Variants in BACE1 observed in about 807,000 individuals in gnomAD.
The protein encoded by BACE1 is APP beta-secretase.
In BACE1, 21 loss-of-function variants were observed where a neutral mutation model predicts 54.0. That is an observed-to-expected ratio of 0.39 (90% CI 0.28 to 0.56). BACE1 has a LOEUF of 0.56. Among genes scored for constraint, BACE1 ranks in the 20% least tolerant of loss-of-function variants. BACE1 has a pLI of 0.63. For synonymous variants in BACE1, 232 were observed against 260.9 expected (o/e 0.89, Z 1.07); for missense variants, 511 against 661.2 (o/e 0.77, Z 2.49).
In BACE1 at chr11:117,288,971, C is replaced by A. The variant is rs1009674631; in HGVS notation, c.*595G>T. ...ATTCCCTGTCTTTGTACTCCCTCTC[C>A]TTCTCCTCTTTCCAGCCGCCCCCAT... On this transcript the variant is annotated 3_prime_UTR_variant, in exon 9 of 9. Coordinates refer to ENST00000313005, the MANE Select transcript of BACE1 (RefSeq NM_012104.6). 1.3e-5 allele frequency: 2 copies of A among 153,646 alleles called. No homozygotes were observed. Among genetic ancestry groups the A allele is most frequent in the African/African-American group, 4.8e-5 (2 of 41,402 alleles). The allele number at this position is 153,646 out of a possible 1,614,324, so 9.5% of individuals were successfully genotyped here.
chr11:117,299,790 A>C (rs2034682055), intron 1 of BACE1: 2 of 272,508 alleles, frequency 7.3e-6, no homozygotes, highest in African/African-American at 2.4e-5. Context: ...TTCTTCACCC[A>C]CCCTCTCCCC....
chr11:117,306,936 A>G (rs1368366985), intron 1 of BACE1, among the ~76,000 whole-genome samples: 1 of 152,210 alleles, frequency 6.6e-6, no homozygotes, highest in Non-Finnish European at 1.5e-5. Flanking sequence ...CTCAGGAAAT[A>G]TGGTGACAGA....
chr11:117,291,199 AAG>A (rs2134445970), intron 6 of BACE1, 150 bp from the exon 7 acceptor site: 6 of 926,408 alleles, frequency 6.5e-6, no homozygotes, highest in South Asian at 3.4e-5. Context: ...GGATTACAGG[AAG>A]AGAGAGGGAG....
Position 117,315,581 on chromosome 11 carries a change from C to G in BACE1, c.215G>C (p.Gly72Ala). The part of the protein sequence containing the change: ...EMVDNLRGKS[G>A]QGYYVEMTVG... Reference sequence around the variant, plus strand: ...GGTCATCTCCACGTAGTAGCCCTGCCCCGACTTGCCCCTCAGGTTGTCCAC... The same window carrying G: ...GGTCATCTCCACGTAGTAGCCCTGCGCCGACTTGCCCCTCAGGTTGTCCAC... Residue 72 changes from glycine (G) to alanine (A), a missense_variant, in exon 1 of 9, where the codon GGG becomes GCG. By Grantham distance (60) the Gly-to-Ala change is moderately conservative. Coordinates refer to ENST00000313005, the MANE Select transcript of BACE1 (RefSeq NM_012104.6). The surrounding 1 kb of genome is among the most constrained non-coding windows in gnomAD (Gnocchi z 5.5). 1 of 1,589,838 alleles carries G rather than the reference C, an allele frequency of 6.3e-7. No individual in the cohort carries two copies. Among genetic ancestry groups the G allele is most frequent in the Non-Finnish European group, 8.5e-7 (1 of 1,169,638 alleles).
At chr11:117,306,582 C>T (rs1476629594) in intron 1 of BACE1, among the ~76,000 whole-genome samples, 3 of 152,050 alleles carry the variant, frequency 2.0e-5, no homozygotes, top group East Asian at 1.9e-4. Flanking sequence ...CTGAGGTGGG[C>T]GGATCACTTG....
intron 1 of BACE1, among the ~76,000 whole-genome samples, chr11:117,304,779 T>A (rs535790294): frequency 9.8e-5 from 15 of 152,300 alleles, no homozygotes; most frequent in Admixed American, 7.8e-4. Context: ...CTTTTAATCA[T>A]GTATTTAATG....
chr11:117,304,302 G>A (rs1429622110), intron 1 of BACE1, among the ~76,000 whole-genome samples: 1 of 152,218 alleles, frequency 6.6e-6, no homozygotes, highest in Non-Finnish European at 1.5e-5. Context: ...GGTTAGTCCA[G>A]CCCCCAGCTG....
intron 2 of BACE1, 67 bp from the exon 3 acceptor site, chr11:117,295,414 T>TG: frequency 6.3e-7 from 1 of 1,575,486 alleles, no homozygotes. Flanking sequence ...AAGTTAAACT[T>TG]ACTCCCAAAC....
chr11:117,296,780 G>C, intron 2 of BACE1, 93 bp downstream of exon 2: 2 of 991,674 alleles, frequency 2.0e-6, no homozygotes, highest in Admixed American at 2.4e-5. Context: ...AAAATCTGAG[G>C]ATCAACTCTT....
chr11:117,298,321 G>GAA (rs2034649350), intron 1 of BACE1, among the ~76,000 whole-genome samples: 1 of 151,832 alleles, frequency 6.6e-6, no homozygotes, highest in South Asian at 2.1e-4. Context: ...GAAAAGAAAA[G>GAA]AAACGCTGTG....
rs1403151191 is a variant in BACE1 at position 117,293,026 on chromosome 11, T to C, written c.840+28A>G. 3.1e-6 allele frequency: 5 copies of C among 1,611,686 alleles called. No homozygotes were observed. The highest frequency in any genetic ancestry group is 4.2e-6 in the Non-Finnish European group (5 of 1,178,778). ...ACATTGTACTGCCTACCCCCTTATG[T>C]TCCCAGGCTCTCCCTTGGTTTTCTT... On this transcript the variant is annotated intron_variant, in intron 5 of 8. Coordinates refer to ENST00000313005, the MANE Select transcript of BACE1 (RefSeq NM_012104.6). This position sits in a 1 kb window ranked among gnomAD's most constrained non-coding sequence, Gnocchi z 4.1.
At chr11:117,309,894 A>G (rs1013856706) in intron 1 of BACE1, among the ~76,000 whole-genome samples, 2 of 152,260 alleles carry the variant, frequency 1.3e-5, no homozygotes, top group African/African-American at 4.8e-5. Flanking sequence ...TCAAAATGAG[A>G]TAACATCCTT....
At chr11:117,296,503 G>T (rs2034603554) in intron 2 of BACE1, among the ~76,000 whole-genome samples, 1 of 152,150 alleles carries the variant, frequency 6.6e-6, no homozygotes, top group Non-Finnish European at 1.5e-5. Flanking sequence ...CTTAGCTGGT[G>T]TTAGAGAACT....
rs1239854114 is a variant in BACE1 at position 117,287,741 on chromosome 11, A to AT, written c.*1824dup. The AT allele has an allele frequency of 2.6e-5, 4 of 152,666 alleles. No individual in the cohort carries two copies. In the East Asian group the frequency reaches 7.7e-4, roughly 29 times the overall value. The allele number at this position is 152,666 out of a possible 1,614,324, so 9.5% of individuals were successfully genotyped here. A position where few individuals can be genotyped will look rare whatever the true frequency, so the allele number is the denominator to read the frequency against. On this transcript the variant is annotated 3_prime_UTR_variant, in exon 9 of 9. Transcript: ENST00000313005. ...AGTCTTCCTGTCAGACTCTGTAGTT[A>AT]TGGGGTGTTCCCAGTCAGCCAAAGC...
At chr11:117,312,378 C>A (rs566755972) in intron 1 of BACE1, among the ~76,000 whole-genome samples, 1 of 152,340 alleles carries the variant, frequency 6.6e-6, no homozygotes, top group South Asian at 2.1e-4. Context: ...GAGCACATGT[C>A]CCTGGTGCGG....
chr11:117,300,011 C>A (rs1010565944), intron 1 of BACE1, among the ~76,000 whole-genome samples: 5 of 152,198 alleles, frequency 3.3e-5, no homozygotes, highest in Admixed American at 6.5e-5. Flanking sequence ...CCTGGGGGCT[C>A]CTGCTGTCCC....
chr11:117,298,238 G>A (rs1370228396), intron 1 of BACE1, among the ~76,000 whole-genome samples: 2 of 151,954 alleles, frequency 1.3e-5, no homozygotes, highest in Non-Finnish European at 2.9e-5. Flanking sequence ...GGAGGCGGAG[G>A]TTGCAGTGAG....
intron 1 of BACE1, among the ~76,000 whole-genome samples, chr11:117,313,111 C>T (rs1026801219): frequency 6.6e-6 from 1 of 152,196 alleles, no homozygotes; most frequent in African/African-American, 2.4e-5. Context: ...GCACTTACAA[C>T]AGCCGCGCCA....
At position 117,289,548 on chromosome 11, in the gene BACE1, T is replaced by C; in HGVS notation, c.*18A>G. ...GGTGTGGTCCAGGGGAATCTCTATC[T>C]TCTGCCCATGGGCCTCCTCACTTCA... On this transcript the variant is annotated 3_prime_UTR_variant, in exon 9 of 9. Coordinates refer to ENST00000313005, the MANE Select transcript of BACE1 (RefSeq NM_012104.6). 6.2e-7 allele frequency: 1 copy of C among 1,613,144 alleles called. No individual in the cohort carries two copies. Among genetic ancestry groups the C allele is most frequent in the Non-Finnish European group, 8.5e-7 (1 of 1,179,512 alleles).
Sources: allele counts gnomAD v4.1 joint callset (sites outside exome capture counted in the v4.1 genomes callset), GRCh38; gene constraint gnomAD v4.1.1; non-coding constraint Gnocchi (gnomAD v3.1); transcripts MANE v1.5; gene names NCBI Gene and HGNC (gene_info 2026-07-23, HGNC 2026-07-21).